WDFY3: variants seen among roughly 807,000 people sequenced by gnomAD.
The protein encoded by WDFY3 is WD repeat and FYVE domain-containing protein 3.
Under a neutral mutation model 409.6 loss-of-function variants are expected in WDFY3, and 66 were observed. The ratio of observed to expected loss-of-function variants is 0.16; its 90% CI spans 0.13 to 0.20. WDFY3 has a LOEUF of 0.20. Ranked by LOEUF, WDFY3 falls within the 10% of genes least tolerant of loss-of-function variation. WDFY3 has a pLI of 1.00. For synonymous variants in WDFY3, 1,521 were observed against 1,537.1 expected (o/e 0.99, Z 0.25); for missense variants, 3,031 against 4,298.1 (o/e 0.71, Z 8.24).
chr4:84,837,996 T>A (rs972672836), intron 6 of WDFY3, among the ~76,000 whole-genome samples: 3 of 152,120 alleles, frequency 2.0e-5, no homozygotes, highest in Non-Finnish European at 4.4e-5. Context: ...TGGTAGTATA[T>A]ACAGGCTAAT....
At position 84,713,232 on chromosome 4, in the gene WDFY3, C is replaced by A. The variant is rs957601959; in HGVS notation, c.7969G>T (p.Ala2657Ser). ...CTGTCCGTTAGAGATGGCACTACAG[C>A]CAAAAACCTGAAAAATTTAAAATAG... ...IRNKVYQRFL[A>S]VVPSLTDSSE... Residue 2657 changes from alanine to serine, a missense_variant, in exon 51 of 68, where the codon GCT (alanine) becomes TCT (serine). By Grantham distance (99) the Ala-to-Ser change is moderately conservative. Coordinates refer to ENST00000295888, the MANE Select transcript of WDFY3 (RefSeq NM_014991.6). 2 of 1,614,028 alleles carry A rather than the reference C, an allele frequency of 1.2e-6. No individual in the cohort carries two copies.
intron 4 of WDFY3, among the ~76,000 whole-genome samples, chr4:84,851,401 C>CT (rs1179928058): frequency 1.3e-5 from 2 of 152,158 alleles, no homozygotes; most frequent in Non-Finnish European, 2.9e-5. Context: ...AGCCAACACT[C>CT]TGCCTTTTAT....
chr4:84,704,636 A>G (rs913404206), intron 54 of WDFY3, among the ~76,000 whole-genome samples, 192 bp from the exon 55 acceptor site: 3 of 152,190 alleles, frequency 2.0e-5, no homozygotes, highest in South Asian at 4.1e-4. Context: ...AGTAGTCCAG[A>G]TTAAGTATAA....
intron 1 of WDFY3, among the ~76,000 whole-genome samples, chr4:84,953,100 TA>T (rs372763457): frequency 0.012 from 1,721 of 146,728 alleles, 21 homozygotes; most frequent in African/African-American, 0.04. Context: ...TATTCAGCCT[TA>T]AAAAAAAAAG....
At chr4:84,691,590 A>G in intron 60 of WDFY3, 41 bp downstream of exon 60, 3 of 1,601,548 alleles carry the variant, frequency 1.9e-6, no homozygotes, top group South Asian at 2.2e-5. Context: ...CCAGACCACA[A>G]AAGAGCAATA....
rs1248186540 is a variant in WDFY3, at chr4:84,670,164, A to G, written c.*2704T>C. On this transcript the variant is annotated 3_prime_UTR_variant, in exon 68 of 68. Coordinates refer to ENST00000295888, the MANE Select transcript of WDFY3 (RefSeq NM_014991.6). ...TTCTCTTCTTCAAAAGCATGACATT[A>G]GAGTTGCACACTACATAGAAATGTT... 6.5e-6 allele frequency: 1 copy of G among 152,676 alleles called. No individual in the cohort carries two copies. The highest frequency in any genetic ancestry group is 1.9e-4 in the East Asian group (1 of 5,196). 9.5% of individuals were successfully genotyped at this position (152,676 alleles called of 1,614,324 possible).
intron 3 of WDFY3, among the ~76,000 whole-genome samples, chr4:84,867,314 AT>A (rs1326876795): frequency 6.6e-6 from 1 of 152,218 alleles, no homozygotes; most frequent in Non-Finnish European, 1.5e-5. Flanking sequence ...GGAATAATTT[AT>A]TTCTCAGTTG....
intron 32 of WDFY3, among the ~76,000 whole-genome samples, chr4:84,757,495 T>C (rs1242071639): frequency 6.6e-6 from 1 of 152,182 alleles, no homozygotes; most frequent in Non-Finnish European, 1.5e-5. Context: ...GTTCTTGTAG[T>C]TCCCTAAGAA....
At chr4:84,818,972 T>G (rs1270659182) in intron 12 of WDFY3, among the ~76,000 whole-genome samples, 1 of 152,142 alleles carries the variant, frequency 6.6e-6, no homozygotes, top group Non-Finnish European at 1.5e-5. Flanking sequence ...ATCTTCATTA[T>G]GTTTCTGATT....
At chr4:84,783,195 T>A in intron 24 of WDFY3, 121 bp from the exon 25 acceptor site, 1 of 917,864 alleles carries the variant, frequency 1.1e-6, no homozygotes, top group Non-Finnish European at 1.7e-6. Context: ...ATCAGAATAC[T>A]GAAAAACGAG....
chr4:84,727,013 T>C, intron 44 of WDFY3, 102 bp from the exon 45 acceptor site: 6 of 1,049,172 alleles, frequency 5.7e-6, no homozygotes, highest in Admixed American at 2.5e-5. Flanking sequence ...ATGAAAGATG[T>C]AGTTACTCAA....
intron 3 of WDFY3, among the ~76,000 whole-genome samples, chr4:84,868,926 GT>G (rs1245347584): frequency 9.9e-5 from 15 of 152,154 alleles, no homozygotes. Flanking sequence ...CATTCTCCGA[GT>G]TTTTATACAT....
chr4:84,814,904 C>T (rs960355556), intron 13 of WDFY3, among the ~76,000 whole-genome samples: 5 of 152,008 alleles, frequency 3.3e-5, no homozygotes, highest in Non-Finnish European at 7.4e-5. Flanking sequence ...TGTATTCCCC[C>T]GAAGATATGG....
chr4:84,709,317 C>A lies in WDFY3; in HGVS notation c.8073G>T (p.Glu2691Asp). Residue 2691 changes from glutamate to aspartate, a missense_variant, in exon 52 of 68, where the codon GAG becomes GAT. Physicochemically the swap from Glu to Asp is conservative, Grantham distance 45 (BLOSUM62 2). Transcript: ENST00000295888. ...CCTCCCATCTCTGAGTCACAGACTT[C>A]TCTCCAACCAAAGTGCTAAGTAACC... The part of the protein sequence containing the change: ...GSGLLSTLVG[E>D]KSVTQRWERG... The A allele has an allele frequency of 6.2e-7, 1 of 1,611,840 alleles. No individual in the cohort carries two copies. The highest frequency in any genetic ancestry group is 8.5e-7 in the Non-Finnish European group (1 of 1,179,332).
chr4:84,808,533 C>T lies in WDFY3; in HGVS notation c.2346-116G>A, dbSNP rs144875188. ...GTAAAAGTTTAATAAGGAACATCTT[C>T]CATATTCAGCAGGAACAAGGAACAA... On this transcript the variant is annotated intron_variant, in intron 14 of 67. Coordinates refer to ENST00000295888, the MANE Select transcript of WDFY3 (RefSeq NM_014991.6). 4.6e-4 allele frequency: 345 copies of T among 755,864 alleles called. No homozygotes were observed. In the East Asian group the frequency reaches 7.6e-3, roughly 17 times the overall value. The allele number at this position is 755,864 out of a possible 1,614,324, so 46.8% of individuals were successfully genotyped here.
At chr4:84,775,448 T>C (rs1278401061) in intron 27 of WDFY3, among the ~76,000 whole-genome samples, 1 of 151,758 alleles carries the variant, frequency 6.6e-6, no homozygotes, top group Non-Finnish European at 1.5e-5. Context: ...AATGAACCTC[T>C]AGACATGACA....
intron 60 of WDFY3, among the ~76,000 whole-genome samples, chr4:84,691,026 C>A (rs897599222): frequency 6.6e-6 from 1 of 152,206 alleles, no homozygotes. Context: ...GAGAGCACGA[C>A]TGCTGCTAAG....
rs1753967715 is a variant in WDFY3, at chr4:84,820,955, C to T, written c.1591+129G>A. 4.6e-5 allele frequency: 44 copies of T among 964,722 alleles called. No homozygotes were observed. The South Asian group carries it at 7.6e-4, about 17-fold the overall frequency. 59.8% of individuals were successfully genotyped at this position (964,722 alleles called of 1,614,324 possible). A position where few individuals can be genotyped will look rare whatever the true frequency, so the allele number is the denominator to read the frequency against. On this transcript the variant is annotated intron_variant, in intron 11 of 67. Coordinates refer to ENST00000295888, the MANE Select transcript of WDFY3 (RefSeq NM_014991.6). Reference sequence around the variant, plus strand: ...TGTAAATTTTGGAAAATACAGTTCACTAATATGTCACAATAATGCACATTA... The same window carrying T: ...TGTAAATTTTGGAAAATACAGTTCATTAATATGTCACAATAATGCACATTA...
At chr4:84,881,150 ACATACG>A (rs2150399718) in intron 3 of WDFY3, among the ~76,000 whole-genome samples, 1 of 152,280 alleles carries the variant, frequency 6.6e-6, no homozygotes, top group East Asian at 1.9e-4. Context: ...TTTTTACCAT[ACATACG>A]CATCAATTGC....
Sources: allele counts gnomAD v4.1 joint callset (sites outside exome capture counted in the v4.1 genomes callset), GRCh38; gene constraint gnomAD v4.1.1; transcripts MANE v1.5; gene names NCBI Gene and HGNC (gene_info 2026-07-23, HGNC 2026-07-21).